The following PGGT1B variants were observed in gnomAD, a reference collection of about 807,000 sequenced individuals.
PGGT1B encodes the protein protein geranylgeranyltransferase type I subunit beta.
A neutral mutation model predicts 46.1 loss-of-function variants in PGGT1B; 30 were observed. The observed-to-expected ratio is 0.65, with a 90% confidence interval of 0.49 to 0.88. The LOEUF (loss-of-function observed/expected upper bound fraction) is 0.88. PGGT1B is among the 40% of genes least tolerant of loss of function. The pLI is 0.00. For missense variants in PGGT1B, 376 were observed against 455.9 expected, an observed-to-expected ratio of 0.82 and a Z score of 1.60; for synonymous variants, 170 against 160.0, an observed-to-expected ratio of 1.06 and a Z score of -0.47.
chr5:115,233,558 A>AG (rs1757065831), intron 5 of PGGT1B, among the ~76,000 whole-genome samples: 1 of 147,852 alleles, frequency 6.8e-6, no homozygotes. Flanking sequence ...AAAAAAAAAA[A>AG]GCAAATGCAA....
At chr5:115,251,143 G>C (rs984235052) in intron 2 of PGGT1B, among the ~76,000 whole-genome samples, 2 of 152,090 alleles carry the variant, frequency 1.3e-5, no homozygotes, top group African/African-American at 4.8e-5. Context: ...TTGGGTCATA[G>C]AACATACATA....
chr5:115,237,950 G>A lies in PGGT1B; in HGVS notation c.387C>T (p.Leu129=), dbSNP rs887160678. ...SGHIAMTYTG[L]SCLVILGDDL... ...CGTCTCCAAGAATAACTAAGCATGA[G>A]AGGCCAGTGTAGGTCATTGCAATGT... The change falls in exon 4 of 9, where the codon CTC becomes CTT. Residue 129 remains leucine, a synonymous_variant. Coordinates refer to ENST00000419445, the MANE Select transcript of PGGT1B (RefSeq NM_005023.4). 1 of 1,612,840 alleles carries A rather than the reference G, an allele frequency of 6.2e-7. No individual in the cohort carries two copies. The highest frequency in any genetic ancestry group is 1.7e-5 in the Admixed American group (1 of 60,006).
At chr5:115,259,383 G>C (rs987980752) in intron 1 of PGGT1B, among the ~76,000 whole-genome samples, 3 of 152,098 alleles carry the variant, frequency 2.0e-5, no homozygotes. Context: ...TGTACTGCTA[G>C]ACTGTGATAT....
chr5:115,259,210 A>G (rs753185937), intron 1 of PGGT1B, among the ~76,000 whole-genome samples: 2 of 152,192 alleles, frequency 1.3e-5, no homozygotes, highest in Admixed American at 1.3e-4. Flanking sequence ...AACAGTCTCT[A>G]ACTTTAGCCT....
chr5:115,233,666 T>C (rs1437994681), intron 5 of PGGT1B, among the ~76,000 whole-genome samples: 2 of 151,418 alleles, frequency 1.3e-5, no homozygotes, highest in African/African-American at 2.4e-5. Flanking sequence ...AATGGTCAAT[T>C]ACACTCATAA....
intron 7 of PGGT1B, among the ~76,000 whole-genome samples, chr5:115,219,873 A>G (rs375936298): frequency 2.5e-4 from 38 of 151,996 alleles, no homozygotes; most frequent in African/African-American, 8.2e-4. Flanking sequence ...CAAAACCACA[A>G]TGAAATGACA....
intron 6 of PGGT1B, among the ~76,000 whole-genome samples, chr5:115,227,762 T>C (rs1391011082): frequency 6.6e-6 from 1 of 152,162 alleles, no homozygotes; most frequent in African/African-American, 2.4e-5. Flanking sequence ...ATACTCATAG[T>C]GGTTTTACCT....
intron 3 of PGGT1B, among the ~76,000 whole-genome samples, chr5:115,239,092 G>C (rs897592591): frequency 1.3e-5 from 2 of 151,824 alleles, no homozygotes; most frequent in African/African-American, 4.8e-5. Flanking sequence ...AGGCTGGAGT[G>C]CAGTGGCACA....
chr5:115,249,923 CTAGTAAGGTTAATCATCTTTT>C (rs1748017280), intron 2 of PGGT1B, among the ~76,000 whole-genome samples: 1 of 152,042 alleles, frequency 6.6e-6, no homozygotes, highest in African/African-American at 2.4e-5. Flanking sequence ...TCCCTGATTT[CTAGTAAGGTTAATCATCTTTT>C]TATGTATCTG....
At chr5:115,262,517 G>A (rs1470631863) in intron 1 of PGGT1B, 195 bp downstream of exon 1, 8 of 604,430 alleles carry the variant, frequency 1.3e-5, no homozygotes, top group Non-Finnish European at 2.3e-5. Context: ...CACAGCCCTC[G>A]ACCTACAGCC....
At chr5:115,222,112 A>G in intron 6 of PGGT1B, 104 bp from the exon 7 acceptor site, 1 of 564,944 alleles carries the variant, frequency 1.8e-6, no homozygotes, top group Non-Finnish European at 2.9e-6. Flanking sequence ...TCTAGAAAAT[A>G]GTGAAATAAA....
Position 115,223,107 on chromosome 5 carries a change from T to TA in PGGT1B, c.659-1100dup, listed in dbSNP as rs370625870. ...CGTTGTGCACATGTACCCTAGAACT[T>TA]AAAGTATAAAAAAAAAAAAGAATTT... On this transcript the variant is annotated intron_variant, in intron 6 of 8. Transcript: ENST00000419445. Among the ~76,000 whole-genome samples, 957 of 150,830 alleles carry TA rather than the reference T, an allele frequency of 6.3e-3. 4 individuals carry two copies. Among genetic ancestry groups the TA allele is most frequent in the Middle Eastern group, 0.014 (4 of 290 alleles).
chr5:115,241,883 C>T (rs1225708115), intron 2 of PGGT1B, among the ~76,000 whole-genome samples: 2 of 152,088 alleles, frequency 1.3e-5, no homozygotes, highest in Non-Finnish European at 2.9e-5. Flanking sequence ...TCATACTTCT[C>T]CTGTCAGATC....
At chr5:115,234,488 GTAAA>G (rs1313013089) in intron 5 of PGGT1B, among the ~76,000 whole-genome samples, 1 of 151,778 alleles carries the variant, frequency 6.6e-6, no homozygotes, top group Non-Finnish European at 1.5e-5. Flanking sequence ...CACATATTAA[GTAAA>G]TAAATAAAGT....
At chr5:115,239,349 T>C (rs971193438) in intron 3 of PGGT1B, among the ~76,000 whole-genome samples, 3 of 152,158 alleles carry the variant, frequency 2.0e-5, no homozygotes, top group African/African-American at 4.8e-5. Flanking sequence ...TGGCCAGATA[T>C]GCAGTTCTTT....
chr5:115,238,703 T>C (rs1282447501), intron 3 of PGGT1B, among the ~76,000 whole-genome samples: 1 of 152,206 alleles, frequency 6.6e-6, no homozygotes. Flanking sequence ...TTTACAATCA[T>C]TGAAATGCAT....
chr5:115,206,523 T>G lies in PGGT1B; in HGVS notation c.*5879A>C, dbSNP rs531957119. 6.6e-6 allele frequency: 1 copy of G among 152,072 alleles called. No individual in the cohort carries two copies. Among genetic ancestry groups the G allele is most frequent in the African/African-American group, 2.4e-5 (1 of 41,468 alleles). 9.4% of individuals were successfully genotyped at this position (152,072 alleles called of 1,614,324 possible). A position where few individuals can be genotyped will look rare whatever the true frequency, so the allele number is the denominator to read the frequency against. On this transcript the variant is annotated 3_prime_UTR_variant, in exon 9 of 9. Transcript: ENST00000419445. ...TTCTAAATGCCACTGAGTCTATTTC[T>G]GGAATTCCTCTTCTGTTCCATTGGA...
chr5:115,241,423 A>T, intron 3 of PGGT1B, 116 bp downstream of exon 3: 1 of 523,436 alleles, frequency 1.9e-6, no homozygotes. Context: ...ATTAGACAAC[A>T]TTTAGCCACA....
In PGGT1B at chr5:115,241,624, G is replaced by A; in HGVS notation, c.260-18C>T. ...ATTTGATCCTAGAAAATAAAAGCAT[G>A]TGCTTATTTAAAGTACACTTTATTT... is the stretch of plus-strand genomic sequence containing the variant. On this transcript the variant is annotated intron_variant, in intron 2 of 8. Coordinates refer to ENST00000419445, the MANE Select transcript of PGGT1B (RefSeq NM_005023.4). The A allele has an allele frequency of 6.3e-7, 1 of 1,586,674 alleles. No individual in the cohort carries two copies. Among genetic ancestry groups the A allele is most frequent in the Non-Finnish European group, 8.6e-7 (1 of 1,162,142 alleles).
Sources: allele counts gnomAD v4.1 joint callset (sites outside exome capture counted in the v4.1 genomes callset), GRCh38; gene constraint gnomAD v4.1.1; transcripts MANE v1.5; gene names NCBI Gene and HGNC (gene_info 2026-07-23, HGNC 2026-07-21).